The following RCAN2 variants were observed in gnomAD, a reference collection of about 807,000 sequenced individuals.
RCAN2 encodes regulator of calcineurin 2, also known as calcipressin-2.
A neutral mutation model predicts 23.6 loss-of-function variants in RCAN2; 9 were observed. The observed-to-expected ratio is 0.38, with a 90% CI of 0.23 to 0.67. The LOEUF (loss-of-function observed/expected upper bound fraction) is 0.67, where lower values mean the gene tolerates loss of function less well. Ranked by LOEUF, RCAN2 falls within the 30% of genes least tolerant of loss-of-function variation. The pLI is 0.51. For missense variants in RCAN2, 273 were observed against 302.3 expected, an observed-to-expected ratio of 0.90 and a Z score of 0.72; for synonymous variants, 109 against 115.7, an observed-to-expected ratio of 0.94 and a Z score of 0.37.
Position 46,387,059 on chromosome 6 carries a change from T to G in RCAN2, c.225+69693A>C, listed in dbSNP as rs374893620. ...AAACGGGCTAGCCATATGTAGAAAG[T>G]TGAAACTGGATCCCTTCCTTACACC... is the stretch of plus-strand genomic sequence containing the variant. On this transcript the variant is annotated intron_variant, in intron 2 of 4. Transcript: ENST00000371374. Among the ~76,000 whole-genome samples the G allele has an allele frequency of 3.3e-5, 5 of 152,262 alleles. No homozygotes were observed. In the South Asian group the frequency reaches 8.3e-4, roughly 25 times the overall value.
chr6:46,268,354 T>C (rs545239459), intron 2 of RCAN2, among the ~76,000 whole-genome samples: 231 of 152,344 alleles, frequency 1.5e-3, no homozygotes, highest in African/African-American at 5.4e-3. Flanking sequence ...ATAGCAAATG[T>C]GTTCTTTAAT....
intron 2 of RCAN2, among the ~76,000 whole-genome samples, chr6:46,359,235 T>A (rs909966920): frequency 6.6e-6 from 1 of 152,126 alleles, no homozygotes; most frequent in African/African-American, 2.4e-5. Context: ...AGTACAGAGC[T>A]CAGAACAAGT....
intron 2 of RCAN2, among the ~76,000 whole-genome samples, chr6:46,373,982 C>T (rs182421032): frequency 6.6e-6 from 1 of 152,308 alleles, no homozygotes; most frequent in Admixed American, 6.5e-5. Context: ...CATGTCAACC[C>T]AGCACTTTGA....
chr6:46,444,899 T>C (rs931564442), intron 2 of RCAN2, among the ~76,000 whole-genome samples: 2 of 152,022 alleles, frequency 1.3e-5, no homozygotes, highest in Non-Finnish European at 2.9e-5. Context: ...AACAGCTGCA[T>C]ATCCGGCCCC....
chr6:46,302,176 C>G (rs1762923473), intron 2 of RCAN2, among the ~76,000 whole-genome samples: 1 of 151,978 alleles, frequency 6.6e-6, no homozygotes, highest in Non-Finnish European at 1.5e-5. Flanking sequence ...GGAAAGAAAA[C>G]AGTCAAGGAA....
intron 4 of RCAN2, among the ~76,000 whole-genome samples, chr6:46,240,171 C>T (rs1421621816): frequency 6.6e-6 from 1 of 152,116 alleles, no homozygotes; most frequent in Admixed American, 6.6e-5. Flanking sequence ...GCCCAGCCTC[C>T]ACAACAACTG....
At chr6:46,345,209 C>T (rs1178108943) in intron 2 of RCAN2, among the ~76,000 whole-genome samples, 1 of 151,732 alleles carries the variant, frequency 6.6e-6, no homozygotes, top group Non-Finnish European at 1.5e-5. Flanking sequence ...ATGTAACAAA[C>T]CTAGAAGTGA....
intron 1 of RCAN2, among the ~76,000 whole-genome samples, chr6:46,462,612 T>C (rs1208605617): frequency 1.3e-5 from 2 of 151,616 alleles, no homozygotes; most frequent in East Asian, 1.9e-4. Context: ...AAATGTTGTA[T>C]GAATAAGTGA....
chr6:46,431,182 T>C (rs527385640), intron 2 of RCAN2, among the ~76,000 whole-genome samples: 1 of 151,896 alleles, frequency 6.6e-6, no homozygotes, highest in South Asian at 2.1e-4. Context: ...ATTTAATATA[T>C]CATGGAAGAT....
chr6:46,455,050 A>G (rs912206241), intron 2 of RCAN2, among the ~76,000 whole-genome samples: 2 of 152,242 alleles, frequency 1.3e-5, no homozygotes, highest in Non-Finnish European at 2.9e-5. Context: ...ATTTAGAGAA[A>G]TGGATGATAT....
chr6:46,336,314 GT>G (rs1764141961), intron 2 of RCAN2, among the ~76,000 whole-genome samples: 1 of 152,212 alleles, frequency 6.6e-6, no homozygotes, highest in Non-Finnish European at 1.5e-5. Flanking sequence ...AGATGGGGTG[GT>G]TTTCAGAGAC....
In RCAN2 at chr6:46,326,170, C is replaced by T. The variant is rs552051959; in HGVS notation, c.226-77274G>A. On this transcript the variant is annotated intron_variant, in intron 2 of 4. Coordinates refer to ENST00000371374, the MANE Select transcript of RCAN2 (RefSeq NM_001251974.2). ...AGCTGGTCGTCTGTCATTTAGGGAG[C>T]ATGGTAAGAGGAGATAATTAGAGGT... is the stretch of plus-strand genomic sequence containing the variant. Among the ~76,000 whole-genome samples, 22 of 152,218 alleles carry T rather than the reference C, an allele frequency of 1.4e-4. 1 individual carries two copies. In the South Asian group the frequency reaches 3.7e-3, roughly 26 times the overall value.
intron 2 of RCAN2, among the ~76,000 whole-genome samples, chr6:46,391,404 G>A (rs2150398481): frequency 6.6e-6 from 1 of 152,230 alleles, no homozygotes; most frequent in East Asian, 1.9e-4. Flanking sequence ...CTAAAACTGG[G>A]GTGCTAGGAG....
chr6:46,247,717 A>G (rs1489054339), intron 3 of RCAN2, among the ~76,000 whole-genome samples: 3 of 152,240 alleles, frequency 2.0e-5, no homozygotes, highest in African/African-American at 7.2e-5. Context: ...ATTCCATCAT[A>G]TGGACATACT....
At chr6:46,415,708 A>G (rs1263956190) in intron 2 of RCAN2, among the ~76,000 whole-genome samples, 2 of 152,208 alleles carry the variant, frequency 1.3e-5, no homozygotes, top group African/African-American at 4.8e-5. Context: ...TTAAAAAAAA[A>G]TTAATAAATA....
At chr6:46,320,199 C>A (rs1763566831) in intron 2 of RCAN2, among the ~76,000 whole-genome samples, 1 of 152,182 alleles carries the variant, frequency 6.6e-6, no homozygotes, top group Admixed American at 6.5e-5. Flanking sequence ...GATCCTTACC[C>A]TAGTGCTCGC....
chr6:46,417,542 A>G (rs1766746957), intron 2 of RCAN2, among the ~76,000 whole-genome samples: 1 of 152,194 alleles, frequency 6.6e-6, no homozygotes, highest in Non-Finnish European at 1.5e-5. Flanking sequence ...CATTTATGAT[A>G]ACCAAGAACT....
chr6:46,447,214 A>AGAT (rs1561909665), intron 2 of RCAN2, among the ~76,000 whole-genome samples: 45 of 152,118 alleles, frequency 3.0e-4, no homozygotes, highest in African/African-American at 9.9e-4. Context: ...AATTTATATT[A>AGAT]AAAAAAGTAG....
At chr6:46,437,518 T>C (rs2150420370) in intron 2 of RCAN2, among the ~76,000 whole-genome samples, 1 of 152,216 alleles carries the variant, frequency 6.6e-6, no homozygotes, top group South Asian at 2.1e-4. Flanking sequence ...TAAGGAAACT[T>C]TTATTAGGGA....
Sources: allele counts gnomAD v4.1 joint callset (sites outside exome capture counted in the v4.1 genomes callset), GRCh38; gene constraint gnomAD v4.1.1; transcripts MANE v1.5; gene names NCBI Gene and HGNC (gene_info 2026-07-23, HGNC 2026-07-21).